The following LRIG1 variants were observed in gnomAD, a reference collection of about 807,000 sequenced individuals.
LRIG1 encodes the protein leucine-rich repeats and immunoglobulin-like domains protein 1.
Under a neutral mutation model 99.2 loss-of-function variants are expected in LRIG1, and 48 were observed. The observed-to-expected ratio is 0.48, with a 90% CI of 0.38 to 0.62. The LOEUF (loss-of-function observed/expected upper bound fraction) is 0.62, where lower values mean the gene tolerates loss of function less well. LRIG1 is among the 20% of genes least tolerant of loss of function. The pLI is 0.00. For synonymous variants in LRIG1, 772 were observed against 596.1 expected (o/e 1.29, Z -4.30); for missense variants, 1,646 against 1,434.4 (o/e 1.15, Z -2.38).
At chr3:66,384,881 G>A (rs1442774779) in intron 13 of LRIG1, among the ~76,000 whole-genome samples, 3 of 152,180 alleles carry the variant, frequency 2.0e-5, no homozygotes, top group Admixed American at 2.0e-4. Context: ...CACCACCAGA[G>A]TTCCTGTCAA....
intron 1 of LRIG1, among the ~76,000 whole-genome samples, chr3:66,479,372 A>C (rs1700797373): frequency 6.6e-6 from 1 of 152,232 alleles, no homozygotes; most frequent in Non-Finnish European, 1.5e-5. Flanking sequence ...CACTGCAAGG[A>C]AAACCACTGC....
chr3:66,490,374 C>G (rs892366293), intron 1 of LRIG1, among the ~76,000 whole-genome samples: 1 of 152,172 alleles, frequency 6.6e-6, no homozygotes, highest in Non-Finnish European at 1.5e-5. Context: ...CTGGAAGCAA[C>G]GAGCTCTTCT....
At chr3:66,407,238 C>T (rs1242405338) in intron 8 of LRIG1, 110 bp downstream of exon 8, 2 of 1,182,932 alleles carry the variant, frequency 1.7e-6, no homozygotes, top group African/African-American at 1.5e-5. Flanking sequence ...GCTTTGGATC[C>T]AATTCTGACT....
At chr3:66,486,652 A>T (rs1700981520) in intron 1 of LRIG1, among the ~76,000 whole-genome samples, 1 of 152,240 alleles carries the variant, frequency 6.6e-6, no homozygotes, top group Non-Finnish European at 1.5e-5. Context: ...TCTCAAAACA[A>T]ACGAAAAGGG....
At chr3:66,447,056 TA>T (rs1477932640) in intron 3 of LRIG1, among the ~76,000 whole-genome samples, 1 of 152,060 alleles carries the variant, frequency 6.6e-6, no homozygotes. Flanking sequence ...GAGTTAATGG[TA>T]AGTTCATTTT....
At position 66,500,530 on chromosome 3, in the gene LRIG1, C is replaced by T; in HGVS notation, c.-123G>A. 1 of 473,096 alleles carries T rather than the reference C, an allele frequency of 2.1e-6. No individual in the cohort carries two copies. Among genetic ancestry groups the T allele is most frequent in the Non-Finnish European group, 3.4e-6 (1 of 294,414 alleles). 29.3% of individuals were successfully genotyped at this position (473,096 alleles called of 1,614,324 possible). A position where few individuals can be genotyped will look rare whatever the true frequency, so the allele number is the denominator to read the frequency against. On this transcript the variant is annotated 5_prime_UTR_variant, in exon 1 of 19. Coordinates refer to ENST00000273261, the MANE Select transcript of LRIG1 (RefSeq NM_015541.3). ...AGACTCCGCACCGGGGCATGGCCCC[C>T]GCCCCAAGTTCTCTCTGCGGCCGCG...
chr3:66,382,144 C>G (rs910120589), intron 16 of LRIG1, 129 bp downstream of exon 16: 3 of 1,041,164 alleles, frequency 2.9e-6, no homozygotes, highest in Non-Finnish European at 4.3e-6. Context: ...TTAGTCATAC[C>G]GCCTTCTACT....
At chr3:66,382,145 G>T in intron 16 of LRIG1, 128 bp downstream of exon 16, 2 of 1,056,628 alleles carry the variant, frequency 1.9e-6, no homozygotes, top group Non-Finnish European at 2.8e-6. Flanking sequence ...TAGTCATACC[G>T]CCTTCTACTT....
chr3:66,382,469 A>G (rs1701135118), intron 15 of LRIG1, 71 bp from the exon 16 acceptor site: 18 of 1,567,432 alleles, frequency 1.1e-5, no homozygotes, highest in Non-Finnish European at 1.5e-5. Context: ...GTTCACTGTC[A>G]AGCTCAGAAA....
chr3:66,398,638 G>C (rs890019117), intron 10 of LRIG1, among the ~76,000 whole-genome samples: 2 of 152,210 alleles, frequency 1.3e-5, no homozygotes, highest in Admixed American at 1.3e-4. Flanking sequence ...TTGGCCAGGA[G>C]GAAGCGCGTT....
intron 1 of LRIG1, among the ~76,000 whole-genome samples, chr3:66,475,444 A>G (rs1389003414): frequency 2.0e-5 from 3 of 152,212 alleles, no homozygotes; most frequent in African/African-American, 7.2e-5. Flanking sequence ...CTCAGCTATC[A>G]GATGCAACCT....
intron 5 of LRIG1, among the ~76,000 whole-genome samples, chr3:66,413,228 G>A (rs1315568606): frequency 6.6e-6 from 1 of 152,226 alleles, no homozygotes; most frequent in African/African-American, 2.4e-5. Flanking sequence ...GCAGGCAAGA[G>A]GGGTGAGTGA....
At chr3:66,401,548 CTCAAATTCTCAA>C in intron 9 of LRIG1, 1 of 1,187,114 alleles carries the variant, frequency 8.4e-7, no homozygotes, top group Non-Finnish European at 1.1e-6. Flanking sequence ...AAAATAAATT[CTCAAATTCTCAA>C]TTATGCAGGG....
intron 2 of LRIG1, among the ~76,000 whole-genome samples, chr3:66,454,525 G>A (rs560161601): frequency 5.9e-5 from 9 of 152,136 alleles, no homozygotes; most frequent in African/African-American, 1.4e-4. Context: ...TTCCCCTGCC[G>A]ACGCCCATCT....
chr3:66,413,147 T>C lies in LRIG1; in HGVS notation c.648-133A>G. On this transcript the variant is annotated intron_variant, in intron 5 of 18. Coordinates refer to ENST00000273261, the MANE Select transcript of LRIG1 (RefSeq NM_015541.3). ...TGCAGGGATCCCTGGGAAGCCAGGA[T>C]GTGTAGGGGAGCCCACCATGTGTCT... is the stretch of plus-strand genomic sequence containing the variant. The C allele has an allele frequency of 3.0e-6, 3 of 989,946 alleles. No homozygotes were observed. The South Asian group carries it at 4.7e-5, about 15-fold the overall frequency. The allele number at this position is 989,946 out of a possible 1,614,324, so 61.3% of individuals were successfully genotyped here. A position where few individuals can be genotyped will look rare whatever the true frequency, so the allele number is the denominator to read the frequency against.
Position 66,500,245 on chromosome 3 carries a change from C to A in LRIG1, c.163G>T (p.Gly55Cys), listed in dbSNP as rs1049821056. ...GGCAACGCAGCCAGCCCGCGCCCAC[C>A]GCAGTCCAGCGAGTCCCCAGCGCAA... ...CTCAGDSLDC[G>C]GRGLAALPGD... is the part of the protein sequence containing the mutation. The change falls in exon 1 of 19, where the codon GGT becomes TGT. Residue 55 changes from glycine (G) to cysteine (C), a missense_variant. Coordinates refer to ENST00000273261, the MANE Select transcript of LRIG1 (RefSeq NM_015541.3). The A allele has an allele frequency of 1.3e-6, 2 of 1,510,480 alleles. No homozygotes were observed. Among genetic ancestry groups the A allele is most frequent in the Non-Finnish European group, 8.8e-7 (1 of 1,136,162 alleles). 93.6% of individuals were successfully genotyped at this position (1,510,480 alleles called of 1,614,324 possible). A position where few individuals can be genotyped will look rare whatever the true frequency, so the allele number is the denominator to read the frequency against.
In LRIG1 at chr3:66,407,451, T is replaced by A; in HGVS notation, c.976A>T (p.Ser326Cys). 5 of 1,613,630 alleles carry A rather than the reference T, an allele frequency of 3.1e-6. No individual in the cohort carries two copies. Among genetic ancestry groups the A allele is most frequent in the Non-Finnish European group, 4.2e-6 (5 of 1,179,954 alleles). The change falls in exon 8 of 19, where the codon AGC (serine) becomes TGC (cysteine). Residue 326 changes from serine to cysteine, a missense_variant. Coordinates refer to ENST00000273261, the MANE Select transcript of LRIG1 (RefSeq NM_015541.3). ...CTCAGGCTGCTCAGCTCGGCCAGGC[T>A]CTCCTCGTCCAGCCGTGTCAGGTTG... ...FNNLTRLDEE[S>C]LAELSSLSVL...
intron 16 of LRIG1, 102 bp from the exon 17 acceptor site, chr3:66,381,733 A>G (rs1005335302): frequency 7.4e-7 from 1 of 1,350,162 alleles, no homozygotes; most frequent in East Asian, 2.3e-5. Flanking sequence ...CATTTTTTTT[A>G]AAAAGTTCTT....
rs1043936855 is a variant in LRIG1, at chr3:66,500,824, C to T, written c.-417G>A. Reference sequence around the variant, plus strand: ...CGAGCTCGGTGCCGGCAGGCATCTTCCTCTGGGCTCGGAGCGCAAAGCCGT... The same window carrying T: ...CGAGCTCGGTGCCGGCAGGCATCTTTCTCTGGGCTCGGAGCGCAAAGCCGT... On this transcript the variant is annotated 5_prime_UTR_variant, in exon 1 of 19. Coordinates refer to ENST00000273261, the MANE Select transcript of LRIG1 (RefSeq NM_015541.3). 4.6e-5 allele frequency: 7 copies of T among 153,400 alleles called. No homozygotes were observed. The highest frequency in any genetic ancestry group is 1.4e-4 in the African/African-American group (6 of 41,600). The allele number at this position is 153,400 out of a possible 1,614,324, so 9.5% of individuals were successfully genotyped here. A position where few individuals can be genotyped will look rare whatever the true frequency, so the allele number is the denominator to read the frequency against.
Sources: allele counts gnomAD v4.1 joint callset (sites outside exome capture counted in the v4.1 genomes callset), GRCh38; gene constraint gnomAD v4.1.1; transcripts MANE v1.5; gene names NCBI Gene and HGNC (gene_info 2026-07-23, HGNC 2026-07-21).